Variants in MBD5 observed in about 807,000 individuals in gnomAD.
MBD5 encodes the protein methyl-CpG-binding domain protein 5.
MBD5 carries 13 observed loss-of-function variants against 117.3 expected under a neutral mutation model. That is an observed-to-expected ratio of 0.11 (90% CI 0.07 to 0.18). MBD5 has a LOEUF of 0.18. Ranked by LOEUF, MBD5 falls within the 10% of genes least tolerant of loss-of-function variation. MBD5 has a pLI of 1.00. For missense variants in MBD5, 1,879 were observed against 2,093.8 expected (o/e 0.90, Z 2.00); for synonymous variants, 727 against 766.4 (o/e 0.95, Z 0.85).
In MBD5 at chr2:148,483,144, G is replaced by A. The variant is rs559879867; in HGVS notation, c.2553G>A (p.Ala851=). 2.4e-5 allele frequency: 39 copies of A among 1,612,230 alleles called. 1 individual carries two copies. The South Asian group carries it at 3.0e-4, about 12-fold the overall frequency. The change falls in exon 9 of 14, where the codon GCG becomes GCA. Residue 851 remains alanine (A), a synonymous_variant. Transcript: ENST00000642680. The part of the protein sequence containing the change: ...GSGPSSSIAI[A]GTNHPAITKT... ...GACCATCATCCTCCATAGCCATAGC[G>A]GGCACCAACCACCCTGCCATCACAA...
intron 2 of MBD5, among the ~76,000 whole-genome samples, chr2:148,195,601 A>AT (rs1364093195): frequency 1.3e-5 from 2 of 152,084 alleles, no homozygotes; most frequent in South Asian, 2.1e-4. Flanking sequence ...CAGAATACAC[A>AT]TTTTTTTCAC....
intron 2 of MBD5, among the ~76,000 whole-genome samples, chr2:148,205,571 G>C (rs1321049304): frequency 1.3e-5 from 2 of 152,118 alleles, no homozygotes; most frequent in East Asian, 3.9e-4. Flanking sequence ...TGAACTAATA[G>C]ATTTTGAATA....
At chr2:148,144,995 G>A (rs1301005126) in intron 1 of MBD5, among the ~76,000 whole-genome samples, 4 of 152,320 alleles carry the variant, frequency 2.6e-5, no homozygotes, top group Admixed American at 1.3e-4. Flanking sequence ...AAAGTCATTG[G>A]TAGCTTGATG....
chr2:148,305,938 T>TC (rs1211296628), intron 3 of MBD5, among the ~76,000 whole-genome samples: 1 of 152,118 alleles, frequency 6.6e-6, no homozygotes, highest in Non-Finnish European at 1.5e-5. Flanking sequence ...TTTTACAATC[T>TC]CCCCCCTTTT....
At chr2:148,139,295 CTTCCGGGTTCAGGTGATT>C (rs1697249616) in intron 1 of MBD5, among the ~76,000 whole-genome samples, 1 of 152,118 alleles carries the variant, frequency 6.6e-6, no homozygotes, top group Non-Finnish European at 1.5e-5. Flanking sequence ...CAACCTCCAC[CTTCCGGGTTCAGGTGATT>C]TTCCTGCCTC....
intron 3 of MBD5, among the ~76,000 whole-genome samples, chr2:148,308,870 A>G (rs954061412): frequency 1.3e-5 from 2 of 152,074 alleles, no homozygotes; most frequent in African/African-American, 2.4e-5. Flanking sequence ...TTTTCTGCAA[A>G]TGGCTAGCCA....
chr2:148,398,622 A>G lies in MBD5; in HGVS notation c.-557+56286A>G, dbSNP rs556675436. 2.9e-3 allele frequency among the ~76,000 whole-genome samples: 438 copies of G among 152,136 alleles called. 2 individuals are homozygous for G. The highest frequency in any genetic ancestry group is 6.5e-3 in the Admixed American group (100 of 15,292). ...TAGGTTGCCTGTTCACTCTGATGGT[A>G]GTTTCTTTTGCTGTGCACAAGCTCT... On this transcript the variant is annotated intron_variant, in intron 4 of 13. Transcript: ENST00000642680.
chr2:148,423,966 CAGG>C (rs1307061423), intron 4 of MBD5, among the ~76,000 whole-genome samples: 1 of 151,938 alleles, frequency 6.6e-6, no homozygotes, highest in African/African-American at 2.4e-5. Context: ...ATCACGAGGT[CAGG>C]AGATCGAGAC....
intron 1 of MBD5, among the ~76,000 whole-genome samples, chr2:148,086,441 T>C (rs986518373): frequency 1.3e-5 from 2 of 152,338 alleles, no homozygotes; most frequent in Admixed American, 6.5e-5. Context: ...CATGGTGATA[T>C]TATGTTTATT....
chr2:148,064,646 A>T (rs2105022602), intron 1 of MBD5, among the ~76,000 whole-genome samples: 1 of 152,302 alleles, frequency 6.6e-6, no homozygotes, highest in African/African-American at 2.4e-5. Flanking sequence ...CCTAGGGCCC[A>T]TCAGTCCTTA....
At chr2:148,031,817 T>C (rs4417662) in intron 1 of MBD5, among the ~76,000 whole-genome samples, 49,706 of 151,884 alleles carry the variant, frequency 0.33, 8,376 homozygotes, top group East Asian at 0.52. Context: ...CTTTTTTCTT[T>C]CACAAATAAA....
intron 12 of MBD5, among the ~76,000 whole-genome samples, chr2:148,503,193 T>C (rs1338724022): frequency 1.3e-5 from 2 of 152,220 alleles, no homozygotes; most frequent in African/African-American, 4.8e-5. Context: ...TATATGTACA[T>C]AGCTATTTAA....
chr2:148,110,749 G>A (rs749182230), intron 1 of MBD5, among the ~76,000 whole-genome samples: 8 of 151,384 alleles, frequency 5.3e-5, no homozygotes, highest in Non-Finnish European at 1.2e-4. Flanking sequence ...CTCTCAGGCT[G>A]GTCCTCTAAT....
intron 3 of MBD5, among the ~76,000 whole-genome samples, chr2:148,323,629 C>A (rs1373745909): frequency 6.6e-6 from 1 of 151,692 alleles, no homozygotes; most frequent in Non-Finnish European, 1.5e-5. Flanking sequence ...TGTTTTTTGG[C>A]TGCATAAATG....
intron 3 of MBD5, among the ~76,000 whole-genome samples, chr2:148,249,449 A>G (rs1700415363): frequency 6.6e-6 from 1 of 152,188 alleles, no homozygotes; most frequent in South Asian, 2.1e-4. Flanking sequence ...AATTTAAATC[A>G]GCATACTGAA....
intron 3 of MBD5, among the ~76,000 whole-genome samples, chr2:148,271,660 A>G (rs936796752): frequency 4.6e-5 from 7 of 151,946 alleles, no homozygotes; most frequent in African/African-American, 1.7e-4. Flanking sequence ...TCTGCCTTTT[A>G]TTATTTCTAC....
At chr2:148,081,481 A>T (rs950567932) in intron 1 of MBD5, among the ~76,000 whole-genome samples, 1 of 152,192 alleles carries the variant, frequency 6.6e-6, no homozygotes, top group Admixed American at 6.5e-5. Context: ...GAGAAATATT[A>T]AACTTTTTAC....
chr2:148,049,851 A>G (rs1694645439), intron 1 of MBD5, among the ~76,000 whole-genome samples: 1 of 152,168 alleles, frequency 6.6e-6, no homozygotes, highest in Non-Finnish European at 1.5e-5. Flanking sequence ...TTTCACTTGA[A>G]TAAGGTTTCA....
intron 2 of MBD5, among the ~76,000 whole-genome samples, chr2:148,205,961 C>T (rs1163985603): frequency 6.6e-6 from 1 of 151,636 alleles, no homozygotes; most frequent in Non-Finnish European, 1.5e-5. Flanking sequence ...GGCAACATGG[C>T]GAAACCCCAG....
Sources: gnomAD v4.1 joint callset for allele counts (sites outside exome capture counted in the v4.1 genomes callset) on GRCh38, gnomAD v4.1.1 for gene constraint, MANE v1.5 for transcripts, NCBI Gene and HGNC (gene_info 2026-07-23, HGNC 2026-07-21) for gene names.